CDC42BPG: variants seen among roughly 807,000 people sequenced by gnomAD.
CDC42BPG encodes the protein serine/threonine-protein kinase MRCK gamma.
Under a neutral mutation model 192.2 loss-of-function variants are expected in CDC42BPG, and 157 were observed. The ratio of observed to expected loss-of-function variants is 0.82; its 90% CI spans 0.72 to 0.93. CDC42BPG has a LOEUF of 0.93. Among genes scored for constraint, CDC42BPG ranks in the 40% least tolerant of loss-of-function variants. The probability of loss-of-function intolerance (pLI) is 0.00; values close to 1 mark genes in which losing one functional copy is unlikely to be tolerated. For synonymous variants in CDC42BPG, 981 were observed against 918.5 expected, an observed-to-expected ratio of 1.07 and a Z score of -1.23; for missense variants, 1,992 against 2,122.1, an observed-to-expected ratio of 0.94 and a Z score of 1.20.
Position 64,839,469 on chromosome 11 carries a change from G to A in CDC42BPG, c.675+9C>T, listed in dbSNP as rs1592720661. 2 of 1,612,570 alleles carry A rather than the reference G, an allele frequency of 1.2e-6. No homozygotes were observed. Among genetic ancestry groups the A allele is most frequent in the Non-Finnish European group, 1.7e-6 (2 of 1,179,574 alleles). ...ATCCCCTGCTCCCACTCTGGGGCGG[G>A]GTCCTTACCATGCCGTTGGTGTTGA... On this transcript the variant is annotated intron_variant, in intron 6 of 36. Transcript: ENST00000342711.
chr11:64,840,233 G>A lies in CDC42BPG; in HGVS notation c.468C>T (p.Leu156=). Residue 156 remains leucine, a synonymous_variant, in exon 5 of 37, where the codon CTC becomes CTT. Transcript: ENST00000342711. ...CCTCGAAGCGGCTCAGCAGCGTCAG[G>A]AGGTCCCCACCAGCATAGTAGTCCA... The part of the protein sequence containing the change: ...LVMDYYAGGD[L]LTLLSRFEDR... 1 of 1,612,866 alleles carries A rather than the reference G, an allele frequency of 6.2e-7. No individual in the cohort carries two copies. The highest frequency in any genetic ancestry group is 8.5e-7 in the Non-Finnish European group (1 of 1,180,010).
chr11:64,835,791 G>A lies in CDC42BPG; in HGVS notation c.1729C>T (p.Gln577Ter). The stretch of plus-strand genomic sequence containing the variant: ...GCCTGGGACGACTCCTCAAGGCGTT[G>A]CTCCCACTGTCCCTGCAGCTGCGTC... ...QVTQLQGQWE[Q>*]RLEESSQAKT... The change falls in exon 14 of 37, where the codon CAA becomes TAA. Residue 577 changes from glutamine (Q) to a stop codon, truncating the protein, a stop_gained. Coordinates refer to ENST00000342711, the MANE Select transcript of CDC42BPG (RefSeq NM_017525.3). LOFTEE classifies it high-confidence loss of function. 6.2e-7 allele frequency: 1 copy of A among 1,613,358 alleles called. No homozygotes were observed. The highest frequency in any genetic ancestry group is 1.1e-5 in the South Asian group (1 of 91,072).
chr11:64,834,836 C>T lies in CDC42BPG; in HGVS notation c.2175+13G>A. The T allele has an allele frequency of 3.7e-6, 6 of 1,609,890 alleles. No homozygotes were observed. The highest frequency in any genetic ancestry group is 5.1e-6 in the Non-Finnish European group (6 of 1,177,846). ...TGCCCAAGCCAGCCCCCAGGGGCATCTCTGGGGCTCACCAGTGGCCGGGCA... is the reference window on the plus strand; with the variant it reads ...TGCCCAAGCCAGCCCCCAGGGGCATTTCTGGGGCTCACCAGTGGCCGGGCA... On this transcript the variant is annotated intron_variant, in intron 18 of 36. Transcript: ENST00000342711.
rs779834080 is a variant in CDC42BPG, at chr11:64,830,231, G to C, written c.3330C>G (p.Thr1110=). ...ILDQDRLALG[T]EEGLFVIHLR... is the part of the protein sequence containing the mutation. ...GATGGATGACAAAGAGCCCCTCCTC[G>C]GTGCCAAGCGCAAGTCGATCCTGGT... The change falls in exon 29 of 37, where the codon ACC becomes ACG. Residue 1110 remains threonine, a synonymous_variant. Coordinates refer to ENST00000342711, the MANE Select transcript of CDC42BPG (RefSeq NM_017525.3). 1 of 1,612,078 alleles carries C rather than the reference G, an allele frequency of 6.2e-7. No homozygotes were observed. The highest frequency in any genetic ancestry group is 8.5e-7 in the Non-Finnish European group (1 of 1,179,116).
chr11:64,833,382 GC>G, intron 23 of CDC42BPG, 46 bp from the exon 24 acceptor site: 2 of 1,122,096 alleles, frequency 1.8e-6, no homozygotes, highest in Non-Finnish European at 1.3e-6. Flanking sequence ...AGGGCCCCAT[GC>G]CCCATCCCTG....
At position 64,838,746 on chromosome 11, in the gene CDC42BPG, G is replaced by A; in HGVS notation, c.1033C>T (p.Leu345=). The A allele has an allele frequency of 6.2e-7, 1 of 1,613,058 alleles. No individual in the cohort carries two copies. The highest frequency in any genetic ancestry group is 8.5e-7 in the Non-Finnish European group (1 of 1,180,034). The change falls in exon 8 of 37, where the codon CTG becomes TTG. Residue 345 remains leucine (L), a synonymous_variant. Transcript: ENST00000342711. The stretch of plus-strand genomic sequence containing the variant: ...ATATAGGGGGCCGTGCTGCTCGCCA[G>A]CCGCTCCCAGTCCACGCCTTCGAAG... ...PFFEGVDWER[L]ASSTAPYIPE... is the part of the protein sequence containing the mutation.
In CDC42BPG at chr11:64,836,983, G is replaced by C. The variant is rs376603196; in HGVS notation, c.1242C>G (p.Ala414=). The C allele has an allele frequency of 1.2e-5, 20 of 1,613,440 alleles. No homozygotes were observed. Among genetic ancestry groups the C allele is most frequent in the Non-Finnish European group, 1.5e-5 (18 of 1,179,960 alleles). The change falls in exon 10 of 37, where the codon GCC becomes GCG. Residue 414 remains alanine, a synonymous_variant. Coordinates refer to ENST00000342711, the MANE Select transcript of CDC42BPG (RefSeq NM_017525.3). ...CCAGACACTGGAGCTTCCGCTCCAG[G>C]GCAGCCCAAGCCTCAGAGCTGCTCT... is the stretch of plus-strand genomic sequence containing the variant. ...SPESSSEAWA[A]LERKLQCLEQ... is the part of the protein sequence containing the mutation.
At chr11:64,827,829 A>T in intron 30 of CDC42BPG, 46 bp from the exon 31 acceptor site, 1 of 1,501,882 alleles carries the variant, frequency 6.7e-7, no homozygotes, top group Non-Finnish European at 9.1e-7. Context: ...CCTCTGTTCC[A>T]CAGGGAACAC....
Position 64,834,339 on chromosome 11 carries a change from G to A in CDC42BPG, c.2340C>T (p.Ala780=), listed in dbSNP as rs533469517. ...QLQAERRLQE[A]EKQSQALQQE... is the part of the protein sequence containing the mutation. ...GTTGCAGGGCCTGGCTCTGCTTCTC[G>A]GCCTCCTGCAGACGGCTGGGGAGAA... is the stretch of plus-strand genomic sequence containing the variant. The change falls in exon 20 of 37, where the codon GCC becomes GCT. Residue 780 remains alanine, a synonymous_variant. Transcript: ENST00000342711. The A allele has an allele frequency of 2.8e-5, 44 of 1,572,876 alleles. No individual in the cohort carries two copies. Among genetic ancestry groups the A allele is most frequent in the Non-Finnish European group, 3.5e-5 (41 of 1,163,440 alleles).
chr11:64,829,831 C>T lies in CDC42BPG; in HGVS notation c.3607G>A (p.Val1203Met). ...CCCGGGCCCAGCTGGTAGCAGAGCA[C>T]CTGGCGCTTGACGGCTACACAGAGC... ...PVLCVAVKRQ[V>M]LCYQLGPGPG... Residue 1203 changes from valine (V) to methionine (M), a missense_variant, in exon 30 of 37, where the codon GTG (valine) becomes ATG (methionine). By Grantham distance (21) the Val-to-Met change is conservative. Coordinates refer to ENST00000342711, the MANE Select transcript of CDC42BPG (RefSeq NM_017525.3). 6.2e-7 allele frequency: 1 copy of T among 1,605,892 alleles called. No individual in the cohort carries two copies.
At chr11:64,844,350 CG>C in intron 1 of CDC42BPG, 59 bp downstream of exon 1, 1 of 1,313,280 alleles carries the variant, frequency 7.6e-7, no homozygotes, top group Non-Finnish European at 9.8e-7. Context: ...TCTGCGGGTG[CG>C]GGGGTCTCGG....
Position 64,827,361 on chromosome 11 carries a change from G to C in CDC42BPG, c.4188C>G (p.Asn1396Lys). The C allele has an allele frequency of 6.2e-7, 1 of 1,614,126 alleles. No individual in the cohort carries two copies. Among genetic ancestry groups the C allele is most frequent in the African/African-American group, 1.3e-5 (1 of 75,060 alleles). The change falls in exon 33 of 37, where the codon AAC becomes AAG. Residue 1396 changes from asparagine to lysine, a missense_variant. Asn to Lys is a moderately conservative substitution (Grantham distance 94). Coordinates refer to ENST00000342711, the MANE Select transcript of CDC42BPG (RefSeq NM_017525.3). ...DEFDIPDLTD[N>K]SRRQLFRTKS... ...TGGTGCGGAACAGCTGGCGCCGGCT[G>C]TTGTCGGTGAGGTCCGGGATGTCGA...
In CDC42BPG at chr11:64,836,123, C is replaced by G. The variant is rs1174761252; in HGVS notation, c.1662G>C (p.Gln554His). 6.3e-7 allele frequency: 1 copy of G among 1,598,728 alleles called. No individual in the cohort carries two copies. Among genetic ancestry groups the G allele is most frequent in the East Asian group, 2.3e-5 (1 of 44,040 alleles). Residue 554 changes from glutamine to histidine, a missense_variant, in exon 13 of 37, where the codon CAG (glutamine) becomes CAC (histidine). Gln to His is a conservative substitution (Grantham distance 24). Coordinates refer to ENST00000342711, the MANE Select transcript of CDC42BPG (RefSeq NM_017525.3). ...SSQLEEARAA[Q>H]RELEAQVSSL... ...ACCCACCCTGGTCACTCACCTCCCTCTGGGCAGCCCGGGCTTCCTCCAGCT... is the reference window on the plus strand; with the variant it reads ...ACCCACCCTGGTCACTCACCTCCCTGTGGGCAGCCCGGGCTTCCTCCAGCT...
chr11:64,834,760 A>T (rs1299578771), intron 18 of CDC42BPG, 89 bp downstream of exon 18: 13 of 1,389,104 alleles, frequency 9.4e-6, no homozygotes, highest in Non-Finnish European at 1.1e-5. Flanking sequence ...CCCCACCTCC[A>T]GTAGTGACCT....
At chr11:64,825,837 G>A (rs1942392330) in intron 36 of CDC42BPG, among the ~76,000 whole-genome samples, 1 of 152,104 alleles carries the variant, frequency 6.6e-6, no homozygotes, top group South Asian at 2.1e-4. Context: ...AGGCCAAGGT[G>A]GGCGGATCAC....
Position 64,827,579 on chromosome 11 carries a change from G to A in CDC42BPG, c.4098C>T (p.Phe1366=), listed in dbSNP as rs1565670069. The change falls in exon 32 of 37, where the codon TTC becomes TTT. Residue 1366 remains phenylalanine (F), a synonymous_variant. Coordinates refer to ENST00000342711, the MANE Select transcript of CDC42BPG (RefSeq NM_017525.3). ...GGCGGACCTTCTCGGTGCCGTAGAG[G>A]AACAGGGAGCCCTCTGGATTGAGGG... ...VRPLNPEGSL[F]LYGTEKVRLT... is the part of the protein sequence containing the mutation. The A allele has an allele frequency of 6.2e-7, 1 of 1,612,450 alleles. No homozygotes were observed. Among genetic ancestry groups the A allele is most frequent in the Non-Finnish European group, 8.5e-7 (1 of 1,179,144 alleles).
rs529715093 is a variant in CDC42BPG, at chr11:64,837,992, C to T, written c.1205+91G>A. The T allele has an allele frequency of 1.9e-5, 21 of 1,127,692 alleles. 1 individual carries two copies. In the South Asian group the frequency reaches 2.6e-4, roughly 14 times the overall value. 69.9% of individuals were successfully genotyped at this position (1,127,692 alleles called of 1,614,324 possible). ...AGATACTGGGGAGCCCTTCTGCCCTCCTTCCCAGGGCCCCAGTGGGCTACG... is the reference window on the plus strand; with the variant it reads ...AGATACTGGGGAGCCCTTCTGCCCTTCTTCCCAGGGCCCCAGTGGGCTACG... On this transcript the variant is annotated intron_variant, in intron 9 of 36. Transcript: ENST00000342711.
chr11:64,830,981 G>A (rs577235902), intron 28 of CDC42BPG, among the ~76,000 whole-genome samples: 3 of 152,334 alleles, frequency 2.0e-5, no homozygotes, highest in Non-Finnish European at 2.9e-5. Context: ...ACTTTGGGAG[G>A]CCAAGGTGGG....
rs775644166 is a variant in CDC42BPG, at chr11:64,824,433, C to T, written c.*40G>A. The T allele has an allele frequency of 3.7e-6, 5 of 1,347,752 alleles. No individual in the cohort carries two copies. The highest frequency in any genetic ancestry group is 1.7e-5 in the Admixed American group (1 of 59,744). The allele number at this position is 1,347,752 out of a possible 1,614,324, so 83.5% of individuals were successfully genotyped here. A position where few individuals can be genotyped will look rare whatever the true frequency, so the allele number is the denominator to read the frequency against. ...CCTCAAGCTCTTTGCTCCCTCATGTCCTTCTGCCCTGGGATTGGGGTGGGC... is the reference window on the plus strand; with the variant it reads ...CCTCAAGCTCTTTGCTCCCTCATGTTCTTCTGCCCTGGGATTGGGGTGGGC... On this transcript the variant is annotated 3_prime_UTR_variant, in exon 37 of 37. Coordinates refer to ENST00000342711, the MANE Select transcript of CDC42BPG (RefSeq NM_017525.3).
Sources: allele counts gnomAD v4.1 joint callset (sites outside exome capture counted in the v4.1 genomes callset), GRCh38; gene constraint gnomAD v4.1.1; transcripts MANE v1.5; gene names NCBI Gene and HGNC (gene_info 2026-07-23, HGNC 2026-07-21).